Variants in ADGRE2 observed in about 807,000 individuals in gnomAD.
ADGRE2 encodes the protein CD97 antigen.
ADGRE2 carries 83 observed loss-of-function variants against 100.8 expected under a neutral mutation model. That is an observed-to-expected ratio of 0.82 (90% confidence interval 0.69 to 0.99). The LOEUF (loss-of-function observed/expected upper bound fraction) is 0.99, where lower values mean the gene tolerates loss of function less well. ADGRE2 is among the 50% of genes least tolerant of loss of function. The pLI, the probability that ADGRE2 is intolerant of heterozygous loss-of-function variation, is 0.00. For synonymous variants in ADGRE2, 355 were observed against 413.0 expected (o/e 0.86, Z 1.70); for missense variants, 814 against 1,035.7 (o/e 0.79, Z 2.94).
At chr19:14,767,180 G>A (rs2044019237) in intron 5 of ADGRE2, 71 bp from the exon 6 acceptor site, 11 of 1,582,024 alleles carry the variant, frequency 7.0e-6, no homozygotes, top group Admixed American at 5.5e-5. Flanking sequence ...GGTCCGCCAT[G>A]TTTCCTGGCA....
chr19:14,727,176 C>A, the ADGRE2 span, among the ~76,000 whole-genome samples: 4 of 151,904 alleles, frequency 2.6e-5, no homozygotes, highest in African/African-American at 9.7e-5. Flanking sequence ...TACAGGTGTC[C>A]GCCACCACGC....
intron 20 of ADGRE2, among the ~76,000 whole-genome samples, chr19:14,737,883 A>T (rs1377139637): frequency 6.6e-6 from 1 of 151,900 alleles, no homozygotes; most frequent in Non-Finnish European, 1.5e-5. Context: ...AGGCTGAGGC[A>T]GGAGAATCGC....
At chr19:14,758,457 A>G (rs539001845) in intron 11 of ADGRE2, among the ~76,000 whole-genome samples, 1 of 152,146 alleles carries the variant, frequency 6.6e-6, no homozygotes, top group Admixed American at 6.5e-5. Flanking sequence ...GCAAATCAAA[A>G]CCACAATGAG....
chr19:14,746,516 C>T (rs1339896105), intron 17 of ADGRE2, among the ~76,000 whole-genome samples, 193 bp from the exon 18 acceptor site: 4 of 151,880 alleles, frequency 2.6e-5, no homozygotes, highest in South Asian at 2.1e-4. Flanking sequence ...GCACCCACCA[C>T]CACGCCTGGC....
intron 14 of ADGRE2, among the ~76,000 whole-genome samples, chr19:14,753,852 A>G (rs2043386485): frequency 1.3e-5 from 2 of 152,026 alleles, no homozygotes; most frequent in African/African-American, 4.8e-5. Context: ...AGTCTTTATA[A>G]GCTCTGGGCT....
chr19:14,750,255 CTAATA>C lies in ADGRE2; in HGVS notation c.2024+1176_2024+1180del, dbSNP rs376991190. On this transcript the variant is annotated intron_variant, in intron 16 of 20. Coordinates refer to ENST00000315576, the MANE Select transcript of ADGRE2 (RefSeq NM_013447.4). Reference sequence around the variant, plus strand: ...ATATAAAAATTACATATAAAATAATCTAATATAATTATATAATTATATGATTATCT... The same window carrying C: ...ATATAAAAATTACATATAAAATAATCTAATTATATAATTATATGATTATCT... Among the ~76,000 whole-genome samples the C allele has an allele frequency of 2.7e-3, 202 of 73,880 alleles. 37 individuals carry two copies. Among genetic ancestry groups the C allele is most frequent in the Non-Finnish European group, 4.0e-3 (142 of 35,572 alleles). 48.5% of individuals were successfully genotyped at this position (73,880 alleles called of 152,430 possible). A position where few individuals can be genotyped will look rare whatever the true frequency, so the allele number is the denominator to read the frequency against.
intron 11 of ADGRE2, among the ~76,000 whole-genome samples, chr19:14,759,407 T>G (rs146416448): frequency 1.3e-3 from 196 of 151,924 alleles, no homozygotes; most frequent in African/African-American, 4.5e-3. Flanking sequence ...AATAATTTCT[T>G]TTTCACTCCT....
At chr19:14,764,716 G>T in intron 10 of ADGRE2, 106 bp from the exon 11 acceptor site, 1 of 1,248,536 alleles carries the variant, frequency 8.0e-7, no homozygotes, top group South Asian at 1.5e-5. Context: ...TGTCTATCTG[G>T]GGGATGAAGA....
intron 11 of ADGRE2, among the ~76,000 whole-genome samples, chr19:14,759,504 T>TATATATATATATA (rs1555786067): frequency 4.9e-3 from 346 of 70,932 alleles, no homozygotes; most frequent in African/African-American, 0.01. Context: ...TATATATATA[T>TATATATATATATA]TTTTTTTTTT....
chr19:14,725,996 G>A, the ADGRE2 span, among the ~76,000 whole-genome samples: 3 of 152,192 alleles, frequency 2.0e-5, no homozygotes, highest in African/African-American at 7.2e-5. Flanking sequence ...TGGGAGCTAT[G>A]CCCCAATGTC....
At chr19:14,774,341 T>A in intron 2 of ADGRE2, 35 bp from the exon 3 acceptor site, 2 of 1,367,992 alleles carry the variant, frequency 1.5e-6, no homozygotes, top group Non-Finnish European at 2.0e-6. Context: ...TCAGAGGGGA[T>A]CCCAGGGTGG....
chr19:14,748,457 C>T (rs961144925), intron 16 of ADGRE2, among the ~76,000 whole-genome samples: 1 of 152,048 alleles, frequency 6.6e-6, no homozygotes, highest in African/African-American at 2.4e-5. Context: ...TACAGGCACC[C>T]ACGACCACGC....
At chr19:14,762,648 A>AT (rs1276868919) in intron 11 of ADGRE2, among the ~76,000 whole-genome samples, 2 of 151,342 alleles carry the variant, frequency 1.3e-5, no homozygotes, top group African/African-American at 2.4e-5. Context: ...TTTAATTTTA[A>AT]TTTTTTTGTT....
chr19:14,727,756 T>A (rs1160375981), downstream of ADGRE2, among the ~76,000 whole-genome samples: 1 of 151,938 alleles, frequency 6.6e-6, no homozygotes, highest in African/African-American at 2.4e-5. Flanking sequence ...AGAGTCCCAG[T>A]ATCCTAATCA....
chr19:14,750,756 C>T (rs957277923), intron 16 of ADGRE2, among the ~76,000 whole-genome samples: 1 of 152,120 alleles, frequency 6.6e-6, no homozygotes, highest in Non-Finnish European at 1.5e-5. Context: ...CTGTCTTGAG[C>T]ACTTTGATTT....
At chr19:14,737,625 C>G (rs557117998) in intron 20 of ADGRE2, among the ~76,000 whole-genome samples, 1 of 151,986 alleles carries the variant, frequency 6.6e-6, no homozygotes, top group Admixed American at 6.6e-5. Flanking sequence ...CCTCCTAAAC[C>G]CCAAGTTACC....
intron 20 of ADGRE2, among the ~76,000 whole-genome samples, chr19:14,741,064 C>G (rs1256372957): frequency 6.8e-6 from 1 of 147,134 alleles, no homozygotes; most frequent in African/African-American, 2.5e-5. Context: ...GATGGGGTCT[C>G]GTTACATTGC....
At chr19:14,773,096 A>AG (rs1568627104) in intron 4 of ADGRE2, among the ~76,000 whole-genome samples, 11 of 137,200 alleles carry the variant, frequency 8.0e-5, no homozygotes, top group African/African-American at 3.3e-4. Flanking sequence ...AAAAAAAAAA[A>AG]AACAAAAAAA....
At chr19:14,770,853 AT>A (rs2044180227) in intron 5 of ADGRE2, among the ~76,000 whole-genome samples, 1 of 150,428 alleles carries the variant, frequency 6.6e-6, no homozygotes, top group African/African-American at 2.4e-5. Flanking sequence ...TAACTTTTGT[AT>A]TTTTTAGTAG....
Sources: gnomAD v4.1 joint callset for allele counts (sites outside exome capture counted in the v4.1 genomes callset) on GRCh38, gnomAD v4.1.1 for gene constraint, MANE v1.5 for transcripts, NCBI Gene and HGNC (gene_info 2026-07-23, HGNC 2026-07-21) for gene names.